The following CACNA1A variants were observed in gnomAD, a reference collection of about 807,000 sequenced individuals.
The protein encoded by CACNA1A is voltage-dependent P/Q-type calcium channel subunit alpha-1A.
CACNA1A carries 57 observed loss-of-function variants against 262.4 expected under a neutral mutation model. The observed-to-expected ratio is 0.22, with a 90% CI of 0.18 to 0.27. CACNA1A has a LOEUF of 0.27. CACNA1A is among the 10% of genes least tolerant of loss of function. The pLI, the probability that CACNA1A is intolerant of heterozygous loss-of-function variation, is 1.00. For synonymous variants in CACNA1A, 1,431 were observed against 1,419.3 expected (o/e 1.01, Z -0.18); for missense variants, 2,526 against 3,562.8 (o/e 0.71, Z 7.41).
intron 30 of CACNA1A, among the ~76,000 whole-genome samples, chr19:13,246,906 G>A (rs754372553): frequency 1.3e-5 from 2 of 152,158 alleles, no homozygotes; most frequent in African/African-American, 4.8e-5. Context: ...GATTACAGGC[G>A]TGAGCCACCA....
chr19:13,406,075 G>A (rs1221849650), intron 3 of CACNA1A, among the ~76,000 whole-genome samples: 2 of 152,026 alleles, frequency 1.3e-5, no homozygotes, highest in Non-Finnish European at 2.9e-5. Context: ...TAGCATTTTG[G>A]GAGGCTGAGG....
rs2060426931 is a variant in CACNA1A, at chr19:13,427,615, T to G, written c.539+25261A>C. ...CAAGTTACTTCCTCTCTCTATGCTTTGATCTCTCTCTCTCCATAAAATGTG... is the reference window on the plus strand; with the variant it reads ...CAAGTTACTTCCTCTCTCTATGCTTGGATCTCTCTCTCTCCATAAAATGTG... On this transcript the variant is annotated intron_variant, in intron 3 of 46. Transcript: ENST00000360228. 2.0e-5 allele frequency among the ~76,000 whole-genome samples: 3 copies of G among 152,202 alleles called. No individual in the cohort carries two copies. The South Asian group carries it at 6.2e-4, about 32-fold the overall frequency.
chr19:13,501,997 C>T (rs1393715565), intron 1 of CACNA1A, among the ~76,000 whole-genome samples: 1 of 152,110 alleles, frequency 6.6e-6, no homozygotes, highest in Non-Finnish European at 1.5e-5. Context: ...ACCAGCCAAG[C>T]CGGTCTAGTA....
At chr19:13,320,298 C>T (rs1349808923) in intron 10 of CACNA1A, among the ~76,000 whole-genome samples, 1 of 150,256 alleles carries the variant, frequency 6.7e-6, no homozygotes, top group Non-Finnish European at 1.5e-5. Flanking sequence ...TAGAAGGTCC[C>T]CAGCCCCCAC....
intron 3 of CACNA1A, among the ~76,000 whole-genome samples, chr19:13,425,821 C>T (rs778906035): frequency 3.9e-5 from 6 of 152,002 alleles, no homozygotes; most frequent in Admixed American, 1.3e-4. Context: ...TTTGGGGGGC[C>T]GAGGCGGGTT....
At chr19:13,319,839 G>A (rs1279846898) in intron 10 of CACNA1A, among the ~76,000 whole-genome samples, 2 of 152,154 alleles carry the variant, frequency 1.3e-5, no homozygotes, top group Non-Finnish European at 2.9e-5. Context: ...AGGGACCAGC[G>A]TCATCCCCAT....
At position 13,276,949 on chromosome 19, in the gene CACNA1A, T is replaced by C; in HGVS notation, c.3882+120A>G. The stretch of plus-strand genomic sequence containing the variant: ...CTGGCCTCAACCTCCTGATCTCAAG[T>C]GATCTGCCTGCCTCAGCCTCCCAAA... On this transcript the variant is annotated intron_variant, in intron 23 of 46. Transcript: ENST00000360228. 4.6e-6 allele frequency: 3 copies of C among 652,958 alleles called. No individual in the cohort carries two copies. In the South Asian group the frequency reaches 4.6e-5, roughly 10 times the overall value. The allele number at this position is 652,958 out of a possible 1,614,324, so 40.4% of individuals were successfully genotyped here.
At chr19:13,307,711 G>A (rs1246840962) in intron 15 of CACNA1A, 71 bp downstream of exon 15, 14 of 1,281,036 alleles carry the variant, frequency 1.1e-5, no homozygotes, top group Non-Finnish European at 1.6e-5. Flanking sequence ...GAAGCCCCTT[G>A]GATGTGGAGC....
chr19:13,320,370 G>C (rs764204402), intron 10 of CACNA1A, among the ~76,000 whole-genome samples: 1 of 152,128 alleles, frequency 6.6e-6, no homozygotes, highest in South Asian at 2.1e-4. Context: ...CCTTGGGCAA[G>C]CCACCTTGGT....
intron 21 of CACNA1A, chr19:13,283,709 G>C (rs374476469): frequency 4.5e-6 from 1 of 221,664 alleles, no homozygotes; most frequent in Non-Finnish European, 9.0e-6. Context: ...AATTCTGTAG[G>C]AGATAAAAAG....
intron 22 of CACNA1A, among the ~76,000 whole-genome samples, chr19:13,278,160 C>T (rs1245622550): frequency 1.3e-5 from 2 of 151,944 alleles, no homozygotes; most frequent in South Asian, 2.1e-4. Flanking sequence ...CACCAGAGGG[C>T]GCTGTGAACA....
intron 1 of CACNA1A, among the ~76,000 whole-genome samples, chr19:13,502,764 G>A (rs995468003): frequency 6.6e-6 from 1 of 152,178 alleles, no homozygotes; most frequent in South Asian, 2.1e-4. Context: ...CCCACTGAGG[G>A]ATGAAAGAGG....
chr19:13,371,656 A>G, intron 4 of CACNA1A, 32 bp downstream of exon 4: 1 of 1,522,270 alleles, frequency 6.6e-7, no homozygotes, highest in Non-Finnish European at 8.9e-7. Flanking sequence ...GCCCGTGAGC[A>G]AACCCCTTGT....
intron 10 of CACNA1A, among the ~76,000 whole-genome samples, chr19:13,327,763 C>T (rs79555291): frequency 0.01 from 1,567 of 151,936 alleles, 26 homozygotes; most frequent in African/African-American, 0.036. Flanking sequence ...AGTACAGACA[C>T]GGTTTCACCA....
chr19:13,490,551 G>A (rs1482762870), intron 1 of CACNA1A, among the ~76,000 whole-genome samples: 5 of 151,766 alleles, frequency 3.3e-5, no homozygotes, highest in Admixed American at 6.6e-5. Context: ...GCAGTGAGCT[G>A]AGATTGTGCC....
At chr19:13,480,464 G>A (rs1163815672) in intron 1 of CACNA1A, among the ~76,000 whole-genome samples, 4 of 151,632 alleles carry the variant, frequency 2.6e-5, no homozygotes, top group Admixed American at 6.6e-5. Flanking sequence ...TGTCTTCATC[G>A]ACTGTTTATG....
At chr19:13,238,109 TG>T (rs1016561376) in intron 31 of CACNA1A, among the ~76,000 whole-genome samples, 1 of 151,974 alleles carries the variant, frequency 6.6e-6, no homozygotes, top group Non-Finnish European at 1.5e-5. Flanking sequence ...TTTGGGGCAG[TG>T]GGGGAAGGGT....
intron 1 of CACNA1A, among the ~76,000 whole-genome samples, chr19:13,469,460 CTTTTTTTTTTTTTT>C (rs1164678494): frequency 3.2e-5 from 2 of 62,154 alleles, no homozygotes; most frequent in Non-Finnish European, 6.0e-5. Context: ...TGAACCACCT[CTTTTTTTTTTTTTT>C]TTTTTTTTTT....
chr19:13,265,845 CTTTT>C (rs769952734), intron 24 of CACNA1A, among the ~76,000 whole-genome samples: 2 of 137,662 alleles, frequency 1.5e-5, no homozygotes, highest in Admixed American at 1.5e-4. Flanking sequence ...GTTAGATTTA[CTTTT>C]TTTTTTTTTT....
Sources: gnomAD v4.1 joint callset for allele counts (sites outside exome capture counted in the v4.1 genomes callset) on GRCh38, gnomAD v4.1.1 for gene constraint, MANE v1.5 for transcripts, NCBI Gene and HGNC (gene_info 2026-07-23, HGNC 2026-07-21) for gene names.